AHDC1: variants seen among roughly 807,000 people sequenced by gnomAD.
AHDC1 encodes the protein transcription factor Gibbin.
In AHDC1, 7 loss-of-function variants were observed where a neutral mutation model predicts 87.9. The ratio of observed to expected loss-of-function variants is 0.08; its 90% CI spans 0.05 to 0.15. The LOEUF is 0.15. Among genes scored for constraint, AHDC1 ranks in the 10% least tolerant of loss-of-function variants. The pLI is 1.00. For missense variants in AHDC1, 1,841 were observed against 2,253.2 expected, an observed-to-expected ratio of 0.82 and a Z score of 3.70; for synonymous variants, 1,051 against 1,006.8, an observed-to-expected ratio of 1.04 and a Z score of -0.83.
rs1454484297 is a variant in AHDC1, at chr1:27,549,843, C to T, written c.2273G>A (p.Gly758Asp). Residue 758 changes from glycine (G) to aspartate (D), a missense_variant, in exon 8 of 9, where the codon GGC becomes GAC. This residue lies in a region of AHDC1 where 236 missense variants were observed against 257.9 expected (regional missense o/e 0.92). Transcript: ENST00000673934. ...AGCACCTGCCTCCCCAAAGCCTGGG[C>T]CACTGGGCACCTGCTCTGGGAACAG... ...GTLFPEQVPSGPGFGEAGAEW... is the reference protein window; with the variant it reads ...GTLFPEQVPSDPGFGEAGAEW... 1 of 1,613,318 alleles carries T rather than the reference C, an allele frequency of 6.2e-7. No individual in the cohort carries two copies.
intron 3 of AHDC1, among the ~76,000 whole-genome samples, chr1:27,602,395 G>T (rs558669531): frequency 5.9e-5 from 9 of 152,282 alleles, no homozygotes; most frequent in African/African-American, 2.2e-4. Context: ...AGGCTGGGGG[G>T]TCAGGCTGCT....
chr1:27,550,187 C>T lies in AHDC1; in HGVS notation c.1929G>A (p.Pro643=), dbSNP rs1264963623. 9 of 1,612,286 alleles carry T rather than the reference C, an allele frequency of 5.6e-6. No individual in the cohort carries two copies. The highest frequency in any genetic ancestry group is 1.6e-4 in the Middle Eastern group (1 of 6,084). ...TGTCGGGGGCCTGGTGCACCGACTC[C>T]GGCTCACTGGGTGTCCAGCAGCGGG... The part of the protein sequence containing the change: ...SPPRCWTPSE[P]ESVHQAPDTQ... Residue 643 remains proline (P), a synonymous_variant, in exon 8 of 9, where the codon CCG becomes CCA. Transcript: ENST00000673934.
intron 8 of AHDC1, among the ~76,000 whole-genome samples, chr1:27,546,649 G>C (rs1364599671): frequency 6.6e-6 from 1 of 152,174 alleles, no homozygotes; most frequent in African/African-American, 2.4e-5. Context: ...TAGCCTTTGG[G>C]GGTACCTTGG....
chr1:27,596,856 C>G (rs956339409), intron 3 of AHDC1, among the ~76,000 whole-genome samples: 29 of 152,284 alleles, frequency 1.9e-4, no homozygotes, highest in African/African-American at 7.0e-4. Context: ...CTCTCACACA[C>G]ACACCCACAC....
intron 3 of AHDC1, among the ~76,000 whole-genome samples, chr1:27,592,897 T>G (rs115620619): frequency 0.031 from 4,661 of 152,080 alleles, 231 homozygotes; most frequent in African/African-American, 0.1. Context: ...CTTGGGCCCC[T>G]GGCCCAAGCT....
intron 3 of AHDC1, among the ~76,000 whole-genome samples, chr1:27,600,335 C>A (rs1259707835): frequency 1.3e-5 from 2 of 152,024 alleles, no homozygotes; most frequent in African/African-American, 4.8e-5. Context: ...GGGCTCCATC[C>A]CATAATAGTG....
At position 27,548,953 on chromosome 1, in the gene AHDC1, G is replaced by C. The variant is rs1230993429; in HGVS notation, c.3163C>G (p.Arg1055Gly). The C allele has an allele frequency of 6.3e-7, 1 of 1,578,696 alleles. No individual in the cohort carries two copies. Reference sequence around the variant, plus strand: ...ACTGTGCTGGCCCGGCTGTCACAGCGCAGGGGCGTGGGGGCTGAACCAGAG... The same window carrying C: ...ACTGTGCTGGCCCGGCTGTCACAGCCCAGGGGCGTGGGGGCTGAACCAGAG... ...PFSGSAPTPL[R>G]CDSRASTVSP... Residue 1055 changes from arginine (R) to glycine (G), a missense_variant, in exon 8 of 9, where the codon CGC (arginine) becomes GGC (glycine). Coordinates refer to ENST00000673934, the MANE Select transcript of AHDC1 (RefSeq NM_001371928.1).
rs1261170498 is a variant in AHDC1 at position 27,549,904 on chromosome 1, G to C, written c.2212C>G (p.Pro738Ala). Reference protein sequence around the residue: ...RGEVDAVTGKPKRKRRSRKNG... With the variant: ...RGEVDAVTGKAKRKRRSRKNG... The stretch of plus-strand genomic sequence containing the variant: ...TTCCGGGACCGTCTCTTGCGCTTTG[G>C]CTTCCCAGTCACAGCGTCTACCTCC... The change falls in exon 8 of 9, where the codon CCA becomes GCA. Residue 738 changes from proline to alanine, a missense_variant. Transcript: ENST00000673934. 1 of 1,613,560 alleles carries C rather than the reference G, an allele frequency of 6.2e-7. No individual in the cohort carries two copies. The highest frequency in any genetic ancestry group is 1.3e-5 in the African/African-American group (1 of 74,906).
intron 3 of AHDC1, among the ~76,000 whole-genome samples, chr1:27,588,563 C>A (rs1557703475): frequency 6.6e-6 from 1 of 152,128 alleles, no homozygotes; most frequent in African/African-American, 2.4e-5. Flanking sequence ...AGAGCAGTAA[C>A]AAATACCGTC....
intron 8 of AHDC1, among the ~76,000 whole-genome samples, chr1:27,535,994 G>A (rs973599600): frequency 7.2e-5 from 11 of 151,962 alleles, no homozygotes; most frequent in Admixed American, 1.3e-4. Context: ...TCAGAGCCCC[G>A]AGACACACAT....
intron 3 of AHDC1, among the ~76,000 whole-genome samples, chr1:27,588,238 A>G (rs1466877666): frequency 6.6e-6 from 1 of 152,178 alleles, no homozygotes. Context: ...TCCTCTTATG[A>G]ATTCCTACAC....
intron 3 of AHDC1, 63 bp downstream of exon 3, chr1:27,603,334 C>G (rs2089594558): frequency 6.6e-6 from 1 of 152,404 alleles, no homozygotes; most frequent in African/African-American, 2.4e-5. Context: ...GTGCGCTGCA[C>G]AAAAGAGCCT....
chr1:27,546,185 C>G (rs1253318931), intron 8 of AHDC1, among the ~76,000 whole-genome samples: 1 of 152,206 alleles, frequency 6.6e-6, no homozygotes, highest in Non-Finnish European at 1.5e-5. Flanking sequence ...CCATCACCAA[C>G]CACCACATCT....
chr1:27,589,979 T>C (rs2089178233), intron 3 of AHDC1, among the ~76,000 whole-genome samples: 1 of 151,958 alleles, frequency 6.6e-6, no homozygotes, highest in Non-Finnish European at 1.5e-5. Flanking sequence ...GTGCCCACTG[T>C]GGGCTGGGCA....
rs199509734 is a variant in AHDC1, at chr1:27,550,960, G to T, written c.1156C>A (p.Arg386Ser). The T allele has an allele frequency of 8.1e-5, 130 of 1,596,688 alleles. No individual in the cohort carries two copies. Among genetic ancestry groups the T allele is most frequent in the Non-Finnish European group, 9.7e-5 (114 of 1,177,674 alleles). ...PEGHPKYALR[R>S]TDRPKILCRR... ...CACAGGATCTTTGGCCTATCAGTGC[G>T]CCGCAAGGCGTACTTGGGGTGACCC... is the stretch of plus-strand genomic sequence containing the variant. The change falls in exon 8 of 9, where the codon CGC becomes AGC. Residue 386 changes from arginine (R) to serine (S), a missense_variant. By Grantham distance (110) the Arg-to-Ser change is moderately radical (BLOSUM62 -1). Transcript: ENST00000673934.
intron 8 of AHDC1, among the ~76,000 whole-genome samples, chr1:27,539,050 T>C (rs2018784304): frequency 6.6e-6 from 1 of 152,142 alleles, no homozygotes; most frequent in African/African-American, 2.4e-5. Flanking sequence ...GGACCTGGAA[T>C]TCACTGAATT....
rs1244940657 is a variant in AHDC1, at chr1:27,593,381, A to AC, written c.-629+10015dup. Among the ~76,000 whole-genome samples, 1 of 152,124 alleles carries AC rather than the reference A, an allele frequency of 6.6e-6. No homozygotes were observed. Among genetic ancestry groups the AC allele is most frequent in the African/African-American group, 2.4e-5 (1 of 41,404 alleles). ...CCCTGCAGTGAATGCCCCAGAGTCT[A>AC]CCGCAGTGTGCCCACTGCTGCCGCC... is the stretch of plus-strand genomic sequence containing the variant. On this transcript the variant is annotated intron_variant, in intron 3 of 8. Coordinates refer to ENST00000673934, the MANE Select transcript of AHDC1 (RefSeq NM_001371928.1). This position sits in a 1 kb window ranked among gnomAD's most constrained non-coding sequence, Gnocchi z 4.9.
Position 27,552,164 on chromosome 1 carries a change from A to G in AHDC1, c.-49T>C. 1.4e-6 allele frequency: 2 copies of G among 1,429,926 alleles called. No homozygotes were observed. The highest frequency in any genetic ancestry group is 2.9e-5 in the African/African-American group (2 of 69,500). The allele number at this position is 1,429,926 out of a possible 1,614,324, so 88.6% of individuals were successfully genotyped here. A position where few individuals can be genotyped will look rare whatever the true frequency, so the allele number is the denominator to read the frequency against. ...GCCGGGCGGGGCCGGGGCTGACATG[A>G]GGGTGCGAGAAGCCGGGACCAGGAC... is the stretch of plus-strand genomic sequence containing the variant. On this transcript the variant is annotated 5_prime_UTR_variant, in exon 8 of 9. Coordinates refer to ENST00000673934, the MANE Select transcript of AHDC1 (RefSeq NM_001371928.1).
chr1:27,575,403 A>T (rs2088690791), intron 3 of AHDC1, among the ~76,000 whole-genome samples: 1 of 151,952 alleles, frequency 6.6e-6, no homozygotes, highest in South Asian at 2.1e-4. Context: ...CCGAAAAGAG[A>T]GGCCGAGGAG....
Sources: allele counts gnomAD v4.1 joint callset (sites outside exome capture counted in the v4.1 genomes callset), GRCh38; gene constraint gnomAD v4.1.1; regional missense constraint gnomAD v4.1.1; non-coding constraint Gnocchi (gnomAD v3.1); transcripts MANE v1.5; gene names NCBI Gene and HGNC (gene_info 2026-07-23, HGNC 2026-07-21).